TENM1: variants seen among roughly 807,000 people sequenced by gnomAD.
TENM1 encodes teneurin transmembrane protein 1, also known as teneurin-1.
TENM1 carries 35 observed loss-of-function variants against 174.8 expected under a neutral mutation model. The ratio of observed to expected loss-of-function variants is 0.20; its 90% CI spans 0.15 to 0.27. The LOEUF (loss-of-function observed/expected upper bound fraction) is 0.27. Ranked by LOEUF, TENM1 falls within the 10% of genes least tolerant of loss-of-function variation. The probability of loss-of-function intolerance (pLI) is 1.00; values close to 1 mark genes in which losing one functional copy is unlikely to be tolerated. For missense variants in TENM1, 1,633 were observed against 2,130.1 expected, an observed-to-expected ratio of 0.77 and a Z score of 4.59; for synonymous variants, 781 against 798.7, an observed-to-expected ratio of 0.98 and a Z score of 0.37.
At chrX:124,747,593 C>T (rs971850859) in intron 3 of TENM1, among the ~76,000 whole-genome samples, 2 of 107,004 alleles carry the variant, frequency 1.9e-5, no homozygotes, top group African/African-American at 3.4e-5. Context: ...TTTAGTTCTT[C>T]GTTAAGCTCA....
the TENM1 span, among the ~76,000 whole-genome samples, chrX:125,023,538 C>T: frequency 1.8e-5 from 2 of 110,007 alleles, no homozygotes; most frequent in African/African-American, 6.6e-5. Context: ...AGAAGAGTAA[C>T]ATTGGATGAT....
chrX:124,453,191 G>A lies in TENM1; in HGVS notation c.4104+146C>T, dbSNP rs771999371. ...CTAAGCTTTTCTAACGAGGAAAAAA[G>A]TAACTTACATAAAGAGAAACTTCTG... On this transcript the variant is annotated intron_variant, in intron 23 of 31. Coordinates refer to ENST00000422452, the Ensembl canonical transcript of TENM1. The A allele has an allele frequency of 1.4e-5, 8 of 559,514 alleles. No individual in the cohort carries two copies. In the East Asian group the frequency reaches 2.9e-4, roughly 20 times the overall value. 46.1% of individuals were successfully genotyped at this position (559,514 alleles called of 1,213,427 possible).
At chrX:124,975,401 A>G in the TENM1 span, among the ~76,000 whole-genome samples, 1 of 112,052 alleles carries the variant, frequency 8.9e-6, no homozygotes, top group Non-Finnish European at 1.9e-5. Flanking sequence ...TAGTAATTTT[A>G]GCATTAAAGT....
At chrX:124,879,575 A>C (rs1603258446) in intron 3 of TENM1, among the ~76,000 whole-genome samples, 1 of 112,159 alleles carries the variant, frequency 8.9e-6, no homozygotes, top group East Asian at 2.8e-4. Flanking sequence ...TGCTGCAATA[A>C]TCATGGGAGT....
At chrX:124,924,253 A>G (rs2058062181) in intron 1 of TENM1, among the ~76,000 whole-genome samples, 1 of 111,929 alleles carries the variant, frequency 8.9e-6, no homozygotes, top group Admixed American at 9.5e-5. Flanking sequence ...AATCTAAACT[A>G]ACAAATCTTT....
chrX:124,412,959 G>T, intron 25 of TENM1, among the ~76,000 whole-genome samples: 1 of 112,308 alleles, frequency 8.9e-6, no homozygotes, highest in East Asian at 2.8e-4. Flanking sequence ...AAGGTAGGTA[G>T]AGATTGGGAA....
chrX:125,063,352 TAGAA>T, the TENM1 span, among the ~76,000 whole-genome samples: 1 of 111,859 alleles, frequency 8.9e-6, no homozygotes, highest in African/African-American at 3.3e-5. Flanking sequence ...TTGAGGCACT[TAGAA>T]AGATATCTGT....
At chrX:124,420,076 G>A (rs1375061480) in intron 25 of TENM1, among the ~76,000 whole-genome samples, 1 of 111,885 alleles carries the variant, frequency 8.9e-6, no homozygotes, top group African/African-American at 3.3e-5. Context: ...TGCCACACTT[G>A]AGTCTTCCTT....
At chrX:124,470,494 T>C (rs774378569) in intron 22 of TENM1, among the ~76,000 whole-genome samples, 6 of 111,257 alleles carry the variant, frequency 5.4e-5, no homozygotes, top group Non-Finnish European at 1.1e-4. Flanking sequence ...CAAAGAAGCC[T>C]GAAATTTCTT....
intron 11 of TENM1, among the ~76,000 whole-genome samples, chrX:124,572,648 C>T (rs1421745880): frequency 9.0e-6 from 1 of 111,152 alleles, no homozygotes; most frequent in Non-Finnish European, 1.9e-5. Flanking sequence ...TAAAATTGAA[C>T]ATACAGGTAA....
At chrX:124,413,331 G>A (rs1355870111) in intron 25 of TENM1, among the ~76,000 whole-genome samples, 1 of 111,940 alleles carries the variant, frequency 8.9e-6, no homozygotes. Flanking sequence ...TCTTTAGAGG[G>A]AGGACACAGT....
At chrX:125,147,813 T>C in the TENM1 span, among the ~76,000 whole-genome samples, 2 of 111,886 alleles carry the variant, frequency 1.8e-5, no homozygotes, top group East Asian at 5.6e-4. Context: ...ATCTTGCTGA[T>C]TGGTTACACC....
chrX:124,507,055 G>C (rs1419484803), intron 18 of TENM1, among the ~76,000 whole-genome samples: 2 of 110,566 alleles, frequency 1.8e-5, no homozygotes, highest in Non-Finnish European at 3.8e-5. Flanking sequence ...CATGGTACAG[G>C]GCACGGATTC....
intron 3 of TENM1, among the ~76,000 whole-genome samples, chrX:124,885,937 A>G (rs1453598346): frequency 9.0e-6 from 1 of 111,626 alleles, no homozygotes; most frequent in Admixed American, 9.5e-5. Context: ...CCAAAAAATT[A>G]ACTCTGACCA....
the TENM1 span, among the ~76,000 whole-genome samples, chrX:125,172,458 T>C: frequency 2.7e-5 from 3 of 111,400 alleles, no homozygotes; most frequent in Non-Finnish European, 5.7e-5. Context: ...TTAAATTACA[T>C]AGAAGCTGTT....
At chrX:124,856,839 T>C (rs1220686996) in intron 3 of TENM1, among the ~76,000 whole-genome samples, 4 of 111,140 alleles carry the variant, frequency 3.6e-5, no homozygotes, top group Non-Finnish European at 7.6e-5. Flanking sequence ...AATCAATGTA[T>C]GGGTCATGTA....
chrX:124,617,106 G>A (rs948259644), intron 11 of TENM1, among the ~76,000 whole-genome samples: 7 of 111,606 alleles, frequency 6.3e-5, no homozygotes, highest in Admixed American at 1.9e-4. Context: ...TCTTGTTGGC[G>A]GTATCAGTTT....
At chrX:125,101,143 C>G in the TENM1 span, among the ~76,000 whole-genome samples, 3 of 112,080 alleles carry the variant, frequency 2.7e-5, no homozygotes, top group Non-Finnish European at 3.8e-5. Context: ...TATTCTCTTT[C>G]TAAGGTCAAA....
At chrX:124,979,976 T>A in the TENM1 span, among the ~76,000 whole-genome samples, 1 of 112,243 alleles carries the variant, frequency 8.9e-6, no homozygotes, top group Non-Finnish European at 1.9e-5. Flanking sequence ...TCATTTTTAA[T>A]GTGCAATATG....
Sources: gnomAD v4.1 joint callset for allele counts (sites outside exome capture counted in the v4.1 genomes callset) on GRCh38, gnomAD v4.1.1 for gene constraint, MANE v1.5 for transcripts, NCBI Gene and HGNC (gene_info 2026-07-23, HGNC 2026-07-21) for gene names.